Variants in LRMDA observed in about 807,000 individuals in gnomAD.
LRMDA encodes leucine-rich melanocyte differentiation-associated protein.
LRMDA carries 18 observed loss-of-function variants against 29.8 expected under a neutral mutation model. The ratio of observed to expected loss-of-function variants is 0.60; its 90% CI spans 0.42 to 0.90. LRMDA has a LOEUF of 0.90. Among genes scored for constraint, LRMDA ranks in the 40% least tolerant of loss-of-function variants. The probability of loss-of-function intolerance (pLI) is 0.00; values close to 1 mark genes in which losing one functional copy is unlikely to be tolerated. For missense variants in LRMDA, 273 were observed against 273.9 expected (o/e 1.00, Z 0.02); for synonymous variants, 125 against 109.4 (o/e 1.14, Z -0.89).
At chr10:76,488,433 G>A (rs1907329) in intron 6 of LRMDA, among the ~76,000 whole-genome samples, 55,121 of 151,132 alleles carry the variant, frequency 0.36, 11,134 homozygotes, top group Middle Eastern at 0.54. Context: ...AATATGTACT[G>A]TTTTTTCTGG....
intron 5 of LRMDA, among the ~76,000 whole-genome samples, chr10:76,221,245 C>T (rs1169931294): frequency 6.6e-6 from 1 of 151,814 alleles, no homozygotes; most frequent in Non-Finnish European, 1.5e-5. Flanking sequence ...CACTCCTATT[C>T]AACATAGTGT....
chr10:75,479,368 G>T (rs552245408), intron 2 of LRMDA, among the ~76,000 whole-genome samples: 2 of 152,166 alleles, frequency 1.3e-5, no homozygotes, highest in African/African-American at 4.8e-5. Context: ...TTAGCCGGGC[G>T]TGGTCACAGG....
intron 2 of LRMDA, among the ~76,000 whole-genome samples, chr10:76,025,048 C>T (rs1019610227): frequency 2.0e-5 from 3 of 152,138 alleles, no homozygotes; most frequent in Non-Finnish European, 4.4e-5. Context: ...GCCAAACAAA[C>T]TCACTCTTTA....
chr10:75,801,002 A>C (rs1354358143), intron 2 of LRMDA, among the ~76,000 whole-genome samples: 1 of 152,226 alleles, frequency 6.6e-6, no homozygotes, highest in Non-Finnish European at 1.5e-5. Context: ...TGTAATCCTA[A>C]GGCATACCTG....
Position 76,557,603 on chromosome 10 carries a change from C to T in LRMDA, c.*315C>T, listed in dbSNP as rs1843574700. On this transcript the variant is annotated 3_prime_UTR_variant, in exon 7 of 7. Transcript: ENST00000611255. Reference sequence around the variant, plus strand: ...CATGATAGATTGCCTGGTCCTGCCACTGCTCACAGGGGAGCAGAGGTCACA... The same window carrying T: ...CATGATAGATTGCCTGGTCCTGCCATTGCTCACAGGGGAGCAGAGGTCACA... The T allele has an allele frequency of 1.3e-5, 5 of 390,256 alleles. No individual in the cohort carries two copies. Among genetic ancestry groups the T allele is most frequent in the Non-Finnish European group, 1.9e-5 (4 of 212,772 alleles). 24.2% of individuals were successfully genotyped at this position (390,256 alleles called of 1,614,324 possible). A position where few individuals can be genotyped will look rare whatever the true frequency, so the allele number is the denominator to read the frequency against.
intron 2 of LRMDA, among the ~76,000 whole-genome samples, chr10:75,501,042 C>T (rs1311932504): frequency 6.6e-6 from 1 of 152,204 alleles, no homozygotes; most frequent in Non-Finnish European, 1.5e-5. Context: ...TTTCCCATTG[C>T]AGGTGTCAGT....
At chr10:75,687,051 C>G (rs532121984) in intron 2 of LRMDA, among the ~76,000 whole-genome samples, 50 of 152,300 alleles carry the variant, frequency 3.3e-4, no homozygotes, top group Middle Eastern at 3.4e-3. Context: ...CACCCATTCT[C>G]CCATCCCTGT....
intron 6 of LRMDA, among the ~76,000 whole-genome samples, chr10:76,379,877 TGCTGTATTCTAGA>T: frequency 6.6e-6 from 1 of 152,340 alleles, no homozygotes; most frequent in Middle Eastern, 3.4e-3. Context: ...GCACCACGTT[TGCTGTATTCTAGA>T]GGTTTTGGTT....
At chr10:75,736,988 C>T (rs763457505) in intron 2 of LRMDA, among the ~76,000 whole-genome samples, 5 of 152,042 alleles carry the variant, frequency 3.3e-5, no homozygotes, top group Non-Finnish European at 7.4e-5. Flanking sequence ...AGGGCCATTC[C>T]GAATGCTTAA....
chr10:76,531,149 T>C (rs1003892398), intron 6 of LRMDA, among the ~76,000 whole-genome samples: 7 of 152,264 alleles, frequency 4.6e-5, no homozygotes, highest in Non-Finnish European at 8.8e-5. Flanking sequence ...TCTTTAGCAC[T>C]TCCTGTCCTT....
rs74687325 is a variant in LRMDA, at chr10:75,961,498, C to T, written c.132-74510C>T. Among the ~76,000 whole-genome samples the T allele has an allele frequency of 4.7e-3, 714 of 152,304 alleles. 9 individuals carry two copies. The highest frequency in any genetic ancestry group is 0.016 in the African/African-American group (682 of 41,556). On this transcript the variant is annotated intron_variant, in intron 2 of 6. Coordinates refer to ENST00000611255, the MANE Select transcript of LRMDA (RefSeq NM_001305581.2). ...TATGAACATGTTTGTTGAAGGGTCT[C>T]TGAGACCTATTGCCACATCACTTTG...
intron 5 of LRMDA, among the ~76,000 whole-genome samples, chr10:76,150,510 T>G (rs903813236): frequency 6.6e-6 from 1 of 152,214 alleles, no homozygotes; most frequent in Non-Finnish European, 1.5e-5. Flanking sequence ...CCCTGGCCCC[T>G]TAACATGTCA....
intron 2 of LRMDA, among the ~76,000 whole-genome samples, chr10:75,622,008 GC>G (rs1564524809): frequency 6.6e-6 from 1 of 152,168 alleles, no homozygotes; most frequent in African/African-American, 2.4e-5. Flanking sequence ...TAATCCGGGG[GC>G]CTCAGTATCT....
intron 2 of LRMDA, among the ~76,000 whole-genome samples, chr10:75,537,552 G>T (rs569333027): frequency 6.6e-6 from 1 of 152,314 alleles, no homozygotes; most frequent in Non-Finnish European, 1.5e-5. Context: ...TGCTATCAAA[G>T]CCTGTATTGA....
intron 6 of LRMDA, among the ~76,000 whole-genome samples, chr10:76,428,006 C>T (rs1396628661): frequency 1.3e-5 from 2 of 152,056 alleles, no homozygotes; most frequent in East Asian, 3.9e-4. Flanking sequence ...TTCGGTTTGC[C>T]AGTATTTTAT....
At chr10:76,040,180 G>A (rs1848317729) in intron 3 of LRMDA, among the ~76,000 whole-genome samples, 3 of 152,160 alleles carry the variant, frequency 2.0e-5, no homozygotes, top group Admixed American at 2.0e-4. Context: ...ATTGTACAAG[G>A]AGAGGAGCCA....
chr10:75,991,464 A>T (rs902258270), intron 2 of LRMDA, among the ~76,000 whole-genome samples: 2 of 152,192 alleles, frequency 1.3e-5, no homozygotes, highest in Admixed American at 6.5e-5. Context: ...GAATCTCTAC[A>T]TCTGTAAGCA....
At chr10:76,341,304 A>G (rs1321496731) in intron 6 of LRMDA, among the ~76,000 whole-genome samples, 1 of 152,204 alleles carries the variant, frequency 6.6e-6, no homozygotes, top group Non-Finnish European at 1.5e-5. Context: ...ATCATAGGCT[A>G]TGAAAGGAGA....
intron 5 of LRMDA, among the ~76,000 whole-genome samples, chr10:76,184,039 T>A (rs1013309418): frequency 9.2e-5 from 14 of 151,614 alleles, no homozygotes; most frequent in Non-Finnish European, 2.1e-4. Context: ...ATTTATTTTT[T>A]TTTTTTTTGG....
Sources: allele counts gnomAD v4.1 joint callset (sites outside exome capture counted in the v4.1 genomes callset), GRCh38; gene constraint gnomAD v4.1.1; transcripts MANE v1.5; gene names NCBI Gene and HGNC (gene_info 2026-07-23, HGNC 2026-07-21).